ERMP1: variants seen among roughly 807,000 people sequenced by gnomAD.
The protein encoded by ERMP1 is Felix-ina.
ERMP1 carries 86 observed loss-of-function variants against 92.0 expected under a neutral mutation model. The observed-to-expected ratio is 0.93, with a 90% CI of 0.79 to 1.12. The LOEUF (loss-of-function observed/expected upper bound fraction) is 1.12, where lower values mean the gene tolerates loss of function less well. Ranked by LOEUF, ERMP1 falls within the 50% of genes most tolerant of loss-of-function variation. The probability of loss-of-function intolerance (pLI) is 0.00; values close to 1 mark genes in which losing one functional copy is unlikely to be tolerated. For synonymous variants in ERMP1, 530 were observed against 412.8 expected, an observed-to-expected ratio of 1.28 and a Z score of -3.44; for missense variants, 1,342 against 1,116.3, an observed-to-expected ratio of 1.20 and a Z score of -2.88.
At chr9:5,792,189 G>A (rs902858367) in intron 13 of ERMP1, among the ~76,000 whole-genome samples, 7 of 152,230 alleles carry the variant, frequency 4.6e-5, no homozygotes, top group African/African-American at 7.2e-5. Context: ...CCAGACTACC[G>A]AAGACCTAAC....
intron 6 of ERMP1, among the ~76,000 whole-genome samples, chr9:5,854,583 G>C (rs1830349644): frequency 6.6e-6 from 1 of 152,138 alleles, no homozygotes; most frequent in Non-Finnish European, 1.5e-5. Context: ...CCAGGCTGGA[G>C]TGCAGTGGTG....
intron 8 of ERMP1, among the ~76,000 whole-genome samples, chr9:5,807,877 C>G (rs560594306): frequency 2.6e-5 from 4 of 152,300 alleles, no homozygotes; most frequent in Admixed American, 6.5e-5. Context: ...CTCACTTCAT[C>G]CCACAATATA....
At chr9:5,834,251 T>C (rs1830054075), upstream of ERMP1, among the ~76,000 whole-genome samples, 1 of 152,196 alleles carries the variant, frequency 6.6e-6, no homozygotes, top group Admixed American at 6.5e-5. Context: ...TCTCTCCTCA[T>C]TGTCTTTTTA....
Position 5,810,067 on chromosome 9 carries a change from C to T in ERMP1, c.1492G>A (p.Ala498Thr), listed in dbSNP as rs1328878845. The change falls in exon 8 of 15, where the codon GCA becomes ACA. Residue 498 changes from alanine (A) to threonine (T), a missense_variant. Coordinates refer to ENST00000339450, the MANE Select transcript of ERMP1 (RefSeq NM_024896.3). ...ATAAGTATTATTTTGGCTACAGTTGCAGTTCCATACAGACAAACGGAGACA... is the reference window on the plus strand; with the variant it reads ...ATAAGTATTATTTTGGCTACAGTTGTAGTTCCATACAGACAAACGGAGACA... ...FYVSVCLYGT[A>T]TVAKIILIHT... 2 of 1,613,778 alleles carry T rather than the reference C, an allele frequency of 1.2e-6. No homozygotes were observed. Among genetic ancestry groups the T allele is most frequent in the African/African-American group, 2.7e-5 (2 of 74,930 alleles).
chr9:5,852,062 C>G (rs970431140), intron 6 of ERMP1, among the ~76,000 whole-genome samples: 3 of 152,078 alleles, frequency 2.0e-5, no homozygotes, highest in Non-Finnish European at 1.5e-5. Context: ...TTACTTTTAT[C>G]TAAGCAACAT....
At chr9:5,865,115 C>A (rs1315344414) in intron 5 of ERMP1, among the ~76,000 whole-genome samples, 1 of 147,602 alleles carries the variant, frequency 6.8e-6, no homozygotes, top group African/African-American at 2.5e-5. Flanking sequence ...TAAAAATGAT[C>A]ATCAGGACAT....
At chr9:5,810,932 A>G (rs1312934750) in intron 7 of ERMP1, among the ~76,000 whole-genome samples, 179 bp downstream of exon 7, 1 of 152,232 alleles carries the variant, frequency 6.6e-6, no homozygotes, top group African/African-American at 2.4e-5. Flanking sequence ...TGACTGCTTC[A>G]CCAAGACTAA....
intron 6 of ERMP1, among the ~76,000 whole-genome samples, chr9:5,844,301 T>G (rs550750701): frequency 1.4e-3 from 216 of 152,136 alleles, no homozygotes; most frequent in African/African-American, 5.0e-3. Context: ...CAAGACAGAG[T>G]CTTGCTCTGT....
chr9:5,814,039 C>T (rs935065259), intron 4 of ERMP1, among the ~76,000 whole-genome samples: 20 of 151,994 alleles, frequency 1.3e-4, no homozygotes, highest in African/African-American at 4.8e-4. Context: ...TAACTGCAGG[C>T]GTGGCTACAT....
At position 5,844,374 on chromosome 9, in the gene ERMP1, A is replaced by G. The variant is rs7046524; in HGVS notation, n.3200-11062T>C. On this transcript the variant is annotated intron_variant and non_coding_transcript_variant, in intron 6 of 6. Coordinates refer to the ERMP1 transcript ENST00000690753. ...ACTGCAACCTCTGTCTCCCAGGTTC[A>G]AGTGATTCTTGTGCCTCAGCCTTCT... Among the ~76,000 whole-genome samples the G allele has an allele frequency of 6.1e-3, 936 of 152,300 alleles. 4 individuals carry two copies. The highest frequency in any genetic ancestry group is 0.011 in the Non-Finnish European group (746 of 68,014).
intron 6 of ERMP1, among the ~76,000 whole-genome samples, chr9:5,841,082 G>C (rs61390330): frequency 0.09 from 13,734 of 152,246 alleles, 808 homozygotes; most frequent in Middle Eastern, 0.14. Flanking sequence ...ACCCTTGCAG[G>C]TATGTACCTC....
intron 4 of ERMP1, among the ~76,000 whole-genome samples, chr9:5,819,864 T>C (rs538750466): frequency 3.3e-5 from 5 of 152,200 alleles, no homozygotes; most frequent in African/African-American, 1.2e-4. Context: ...TGCCTAGGGA[T>C]GGGGGAAAAT....
upstream of ERMP1, among the ~76,000 whole-genome samples, chr9:5,835,587 G>A (rs563917885): frequency 2.6e-5 from 4 of 152,316 alleles, no homozygotes; most frequent in South Asian, 6.2e-4. Flanking sequence ...GGGATGTTCA[G>A]AGGCAACGTC....
At chr9:5,787,382 C>G in intron 14 of ERMP1, 48 bp downstream of exon 14, 1 of 1,603,082 alleles carries the variant, frequency 6.2e-7, no homozygotes, top group Non-Finnish European at 8.5e-7. Context: ...TGCTAAATAC[C>G]ACCTGGGAAC....
intron 6 of ERMP1, among the ~76,000 whole-genome samples, chr9:5,850,140 G>A (rs950969572): frequency 1.3e-5 from 2 of 152,132 alleles, no homozygotes; most frequent in African/African-American, 2.4e-5. Context: ...GTGGACTAGT[G>A]TGACTCTGTG....
intron 13 of ERMP1, among the ~76,000 whole-genome samples, chr9:5,794,935 C>A (rs1828354571): frequency 1.3e-5 from 2 of 152,228 alleles, no homozygotes; most frequent in South Asian, 2.1e-4. Context: ...CAAAGCTAGA[C>A]AACAACAATA....
chr9:5,797,733 T>A (rs1007270142), intron 13 of ERMP1, 84 bp downstream of exon 13: 13 of 809,046 alleles, frequency 1.6e-5, no homozygotes, highest in Non-Finnish European at 2.7e-5. Flanking sequence ...GTTCCTGTGA[T>A]ATATCTGAGG....
rs1322438610 is a variant in ERMP1, at chr9:5,785,777, C to G, written c.*1367G>C. 1 of 152,278 alleles carries G rather than the reference C, an allele frequency of 6.6e-6. No individual in the cohort carries two copies. The highest frequency in any genetic ancestry group is 1.5e-5 in the Non-Finnish European group (1 of 68,024). 9.4% of individuals were successfully genotyped at this position (152,278 alleles called of 1,614,324 possible). A position where few individuals can be genotyped will look rare whatever the true frequency, so the allele number is the denominator to read the frequency against. ...ATCACCCAAGATAAATCTAGCCACC[C>G]TTTTTTGTTAACTGTGCCTTTTCTT... On this transcript the variant is annotated 3_prime_UTR_variant, in exon 15 of 15. Transcript: ENST00000339450.
At chr9:5,802,879 T>C (rs1375184551) in intron 10 of ERMP1, among the ~76,000 whole-genome samples, 1 of 152,130 alleles carries the variant, frequency 6.6e-6, no homozygotes, top group Non-Finnish European at 1.5e-5. Context: ...TTCATTTTAT[T>C]TTGCACCCAT....
Sources: allele counts gnomAD v4.1 joint callset (sites outside exome capture counted in the v4.1 genomes callset), GRCh38; gene constraint gnomAD v4.1.1; transcripts MANE v1.5; gene names NCBI Gene and HGNC (gene_info 2026-07-23, HGNC 2026-07-21).